EXOC6B: variants seen among roughly 807,000 people sequenced by gnomAD.
EXOC6B encodes the protein SEC15 homolog B.
In EXOC6B, 54 loss-of-function variants were observed where a neutral mutation model predicts 113.5. The observed-to-expected ratio is 0.48, with a 90% CI of 0.38 to 0.60. EXOC6B has a LOEUF of 0.60. EXOC6B is among the 20% of genes least tolerant of loss of function. EXOC6B has a pLI of 0.00. For missense variants in EXOC6B, 797 were observed against 977.5 expected, an observed-to-expected ratio of 0.82 and a Z score of 2.46; for synonymous variants, 357 against 339.0, an observed-to-expected ratio of 1.05 and a Z score of -0.58.
At chr2:72,324,108 A>C (rs1687996043) in intron 20 of EXOC6B, among the ~76,000 whole-genome samples, 1 of 152,198 alleles carries the variant, frequency 6.6e-6, no homozygotes, top group South Asian at 2.1e-4. Flanking sequence ...AATTGTGTTA[A>C]GATAGAACAT....
At chr2:72,477,103 G>A (rs183415287) in intron 17 of EXOC6B, among the ~76,000 whole-genome samples, 106 of 152,226 alleles carry the variant, frequency 7.0e-4, no homozygotes, top group African/African-American at 2.5e-3. Context: ...TCAAATCCCA[G>A]AAGAAAGTCC....
At chr2:72,815,401 G>A (rs1194603530) in intron 1 of EXOC6B, among the ~76,000 whole-genome samples, 1 of 151,794 alleles carries the variant, frequency 6.6e-6, no homozygotes, top group African/African-American at 2.4e-5. Context: ...TAAGGTGAGA[G>A]GATCGCTTCA....
intron 6 of EXOC6B, among the ~76,000 whole-genome samples, chr2:72,677,377 TA>T (rs200824968): frequency 9.3e-5 from 14 of 150,312 alleles, no homozygotes; most frequent in East Asian, 7.8e-4. Context: ...TTTTTATATT[TA>T]AAAAAAAACA....
At chr2:72,611,906 T>C (rs1671092637) in intron 6 of EXOC6B, among the ~76,000 whole-genome samples, 1 of 152,184 alleles carries the variant, frequency 6.6e-6, no homozygotes, top group African/African-American at 2.4e-5. Context: ...CTAAATCTTA[T>C]AAAACGTACA....
At chr2:72,528,241 T>C (rs1334010753) in intron 8 of EXOC6B, among the ~76,000 whole-genome samples, 2 of 152,250 alleles carry the variant, frequency 1.3e-5, no homozygotes, top group South Asian at 2.1e-4. Context: ...AATTTCTGCA[T>C]AAAATGGGAG....
intron 17 of EXOC6B, among the ~76,000 whole-genome samples, chr2:72,472,865 G>A (rs1698495815): frequency 6.6e-6 from 1 of 152,032 alleles, no homozygotes; most frequent in Non-Finnish European, 1.5e-5. Flanking sequence ...CCCACAGGTT[G>A]TGATATGTTG....
At position 72,601,176 on chromosome 2, in the gene EXOC6B, G is replaced by GTA. The variant is rs113234218; in HGVS notation, c.670-25510_670-25509dup. The stretch of plus-strand genomic sequence containing the variant: ...TGTGTGTGTGTGTGTGTGTGTGTGT[G>GTA]TATATCTTTTTTTCTTTTTTTCCTG... On this transcript the variant is annotated intron_variant, in intron 6 of 21. Coordinates refer to ENST00000272427, the MANE Select transcript of EXOC6B (RefSeq NM_015189.3). Among the ~76,000 whole-genome samples, 201 of 147,638 alleles carry GTA rather than the reference G, an allele frequency of 1.4e-3. 5 individuals carry two copies. Among genetic ancestry groups the GTA allele is most frequent in the African/African-American group, 3.9e-3 (156 of 39,562 alleles).
At chr2:72,816,691 C>T (rs1686267813) in intron 1 of EXOC6B, among the ~76,000 whole-genome samples, 1 of 152,180 alleles carries the variant, frequency 6.6e-6, no homozygotes. Flanking sequence ...TCAGGTTCCT[C>T]AGAATTACAT....
intron 1 of EXOC6B, among the ~76,000 whole-genome samples, chr2:72,761,691 A>G (rs1011050708): frequency 6.6e-6 from 1 of 152,216 alleles, no homozygotes. Flanking sequence ...TTCCTGCCAT[A>G]GGCTCATTTA....
intron 8 of EXOC6B, among the ~76,000 whole-genome samples, chr2:72,557,450 A>G (rs1244733654): frequency 6.6e-6 from 1 of 152,090 alleles, no homozygotes; most frequent in African/African-American, 2.4e-5. Flanking sequence ...TATAACATGA[A>G]TGGTACATGT....
chr2:72,700,736 G>A (rs1678260408), intron 6 of EXOC6B, among the ~76,000 whole-genome samples: 1 of 152,206 alleles, frequency 6.6e-6, no homozygotes, highest in African/African-American at 2.4e-5. Context: ...GACCGAAGCA[G>A]GCAGATCACC....
In EXOC6B at chr2:72,788,971, C is replaced by G. The variant is rs551075046; in HGVS notation, c.113+36827G>C. Among the ~76,000 whole-genome samples the G allele has an allele frequency of 2.0e-5, 3 of 152,322 alleles. No homozygotes were observed. In the South Asian group the frequency reaches 6.2e-4, roughly 32 times the overall value. ...AGGATCCTGGACTGAGTCACAACTT[C>G]CCCACTGAATTCCTGATTTAGGCTC... is the stretch of plus-strand genomic sequence containing the variant. On this transcript the variant is annotated intron_variant, in intron 1 of 21. Coordinates refer to ENST00000272427, the MANE Select transcript of EXOC6B (RefSeq NM_015189.3).
intron 1 of EXOC6B, among the ~76,000 whole-genome samples, chr2:72,773,115 A>AT (rs1683493598): frequency 4.2e-5 from 5 of 118,204 alleles, no homozygotes; most frequent in Admixed American, 8.8e-5. Context: ...TAGACCTTAG[A>AT]TTTTCTTTTT....
intron 20 of EXOC6B, among the ~76,000 whole-genome samples, chr2:72,194,214 C>T (rs1399012963): frequency 1.3e-5 from 2 of 151,972 alleles, no homozygotes; most frequent in South Asian, 4.2e-4. Context: ...TAACAACTGG[C>T]GTAAGAATTA....
At chr2:72,296,219 G>C (rs564814615) in intron 20 of EXOC6B, among the ~76,000 whole-genome samples, 1 of 152,216 alleles carries the variant, frequency 6.6e-6, no homozygotes, top group East Asian at 1.9e-4. Flanking sequence ...ATATAAAACA[G>C]TAAGTTTCTA....
chr2:72,330,574 T>C (rs1688364911), intron 20 of EXOC6B, among the ~76,000 whole-genome samples: 1 of 152,266 alleles, frequency 6.6e-6, no homozygotes, highest in African/African-American at 2.4e-5. Context: ...AGTGTGACTC[T>C]TCACCTTTTC....
chr2:72,245,198 A>C (rs918356732), intron 20 of EXOC6B, among the ~76,000 whole-genome samples: 3 of 152,244 alleles, frequency 2.0e-5, no homozygotes, highest in Admixed American at 2.0e-4. Context: ...AAGGAGAAGA[A>C]TGTCAGAAGA....
At chr2:72,286,781 A>G (rs1299721246) in intron 20 of EXOC6B, among the ~76,000 whole-genome samples, 3 of 152,196 alleles carry the variant, frequency 2.0e-5, no homozygotes, top group African/African-American at 7.2e-5. Context: ...ATTCCTCTTA[A>G]TTTTGTGGTA....
chr2:72,552,107 A>G (rs1703267818), intron 8 of EXOC6B, among the ~76,000 whole-genome samples: 1 of 152,240 alleles, frequency 6.6e-6, no homozygotes, highest in Admixed American at 6.5e-5. Flanking sequence ...TTTACTGAGT[A>G]CTTACCACAT....
Sources: gnomAD v4.1 joint callset for allele counts (sites outside exome capture counted in the v4.1 genomes callset) on GRCh38, gnomAD v4.1.1 for gene constraint, MANE v1.5 for transcripts, NCBI Gene and HGNC (gene_info 2026-07-23, HGNC 2026-07-21) for gene names.